The following GMDS variants were observed in gnomAD, a reference collection of about 807,000 sequenced individuals.
GMDS encodes the protein GDP-mannose 4,6 dehydratase.
Under a neutral mutation model 49.9 loss-of-function variants are expected in GMDS, and 20 were observed. That is an observed-to-expected ratio of 0.40 (90% CI 0.28 to 0.58). GMDS has a LOEUF of 0.58. GMDS is among the 20% of genes least tolerant of loss of function. The probability of loss-of-function intolerance (pLI) is 0.42; values close to 1 mark genes in which losing one functional copy is unlikely to be tolerated. For missense variants in GMDS, 362 were observed against 481.4 expected (o/e 0.75, Z 2.32); for synonymous variants, 177 against 178.6 (o/e 0.99, Z 0.07).
At chr6:2,234,598 A>G (rs1231329863) in intron 1 of GMDS, among the ~76,000 whole-genome samples, 6 of 152,114 alleles carry the variant, frequency 3.9e-5, no homozygotes, top group Non-Finnish European at 8.8e-5. Context: ...AATAAGAGCG[A>G]AACTCCGTAT....
intron 1 of GMDS, among the ~76,000 whole-genome samples, chr6:2,148,716 G>A (rs532810536): frequency 3.9e-5 from 6 of 152,280 alleles, no homozygotes; most frequent in South Asian, 4.1e-4. Flanking sequence ...CACCACGTCC[G>A]GCCTGAAGTT....
chr6:1,939,779 A>C (rs959051399), intron 6 of GMDS, among the ~76,000 whole-genome samples: 1 of 152,208 alleles, frequency 6.6e-6, no homozygotes, highest in Non-Finnish European at 1.5e-5. Flanking sequence ...TTAAGACATG[A>C]ATAATAGCCA....
Position 1,860,175 on chromosome 6 carries a change from T to C in GMDS, c.771+69928A>G, listed in dbSNP as rs141429380. Reference sequence around the variant, plus strand: ...CTTTAATTATATATAACTTAAAATGTTAAGAATACATATAAATGTGATATG... The same window carrying C: ...CTTTAATTATATATAACTTAAAATGCTAAGAATACATATAAATGTGATATG... On this transcript the variant is annotated intron_variant, in intron 7 of 10. Transcript: ENST00000380815. Among the ~76,000 whole-genome samples the C allele has an allele frequency of 7.1e-3, 1,078 of 152,304 alleles. 5 individuals carry two copies. Among genetic ancestry groups the C allele is most frequent in the Non-Finnish European group, 0.011 (775 of 68,030 alleles).
intron 9 of GMDS, among the ~76,000 whole-genome samples, chr6:1,632,101 A>G (rs1037295147): frequency 1.3e-5 from 2 of 152,222 alleles, no homozygotes; most frequent in Non-Finnish European, 2.9e-5. Flanking sequence ...ATGTATCTGC[A>G]GAGGTATTTC....
At chr6:2,137,861 A>C (rs1238559657) in intron 1 of GMDS, among the ~76,000 whole-genome samples, 2 of 152,198 alleles carry the variant, frequency 1.3e-5, no homozygotes, top group African/African-American at 2.4e-5. Context: ...ACACTTATAG[A>C]CTGGATAATT....
chr6:2,205,310 G>A (rs1779757537), intron 1 of GMDS, among the ~76,000 whole-genome samples: 1 of 152,136 alleles, frequency 6.6e-6, no homozygotes, highest in African/African-American at 2.4e-5. Flanking sequence ...ACCATTAGTT[G>A]CATATAAAAC....
chr6:1,709,959 GAATT>G (rs1765888098), intron 9 of GMDS, among the ~76,000 whole-genome samples: 1 of 152,170 alleles, frequency 6.6e-6, no homozygotes, highest in Non-Finnish European at 1.5e-5. Flanking sequence ...CTTAACTGCA[GAATT>G]ATTTCTGGAA....
At chr6:1,901,258 G>A (rs1298580611) in intron 7 of GMDS, among the ~76,000 whole-genome samples, 3 of 152,122 alleles carry the variant, frequency 2.0e-5, no homozygotes, top group African/African-American at 4.8e-5. Context: ...TTCTCTCCAC[G>A]ACCGTGGAAC....
At chr6:1,697,574 CA>C (rs1765388713) in intron 9 of GMDS, among the ~76,000 whole-genome samples, 1 of 152,224 alleles carries the variant, frequency 6.6e-6, no homozygotes, top group East Asian at 1.9e-4. Flanking sequence ...CAATGGTTCT[CA>C]AAGTATGGTC....
Position 1,623,977 on chromosome 6 carries a change from T to C in GMDS, c.*192A>G, listed in dbSNP as rs1334176126. 5 of 558,412 alleles carry C rather than the reference T, an allele frequency of 9.0e-6. No homozygotes were observed. The highest frequency in any genetic ancestry group is 1.6e-5 in the Non-Finnish European group (5 of 314,454). 34.6% of individuals were successfully genotyped at this position (558,412 alleles called of 1,614,324 possible). On this transcript the variant is annotated 3_prime_UTR_variant, in exon 11 of 11. Coordinates refer to ENST00000380815, the MANE Select transcript of GMDS (RefSeq NM_001500.4). ...GACAAACGCAAAGCGACCCAAACCCTGGAGGGTCACATCCCGGCTGCTACA... is the reference window on the plus strand; with the variant it reads ...GACAAACGCAAAGCGACCCAAACCCCGGAGGGTCACATCCCGGCTGCTACA...
chr6:1,653,662 T>C (rs1158180706), intron 9 of GMDS, among the ~76,000 whole-genome samples: 2 of 152,106 alleles, frequency 1.3e-5, no homozygotes, highest in South Asian at 2.1e-4. Flanking sequence ...ACCCGGCCAA[T>C]TGATTTTCAA....
chr6:1,651,755 C>T (rs1426179405), intron 9 of GMDS, among the ~76,000 whole-genome samples: 1 of 152,176 alleles, frequency 6.6e-6, no homozygotes, highest in East Asian at 1.9e-4. Context: ...ATGAGCCCTA[C>T]CCCACAGAGT....
At chr6:1,898,289 G>GA (rs1478859754) in intron 7 of GMDS, among the ~76,000 whole-genome samples, 3 of 152,170 alleles carry the variant, frequency 2.0e-5, no homozygotes, top group Non-Finnish European at 4.4e-5. Flanking sequence ...TTTTGCTAAA[G>GA]AAAATCACCT....
intron 1 of GMDS, among the ~76,000 whole-genome samples, chr6:2,169,976 G>A (rs1777886143): frequency 6.6e-6 from 1 of 152,172 alleles, no homozygotes; most frequent in Non-Finnish European, 1.5e-5. Flanking sequence ...GGCCAAGGTG[G>A]GCCGATCACC....
chr6:2,175,676 G>A (rs754607191), intron 1 of GMDS, among the ~76,000 whole-genome samples: 1 of 152,176 alleles, frequency 6.6e-6, no homozygotes, highest in Non-Finnish European at 1.5e-5. Context: ...AAATGAGCAT[G>A]CTTTGGTTTT....
At chr6:1,916,067 T>C (rs1176005623) in intron 7 of GMDS, among the ~76,000 whole-genome samples, 1 of 152,254 alleles carries the variant, frequency 6.6e-6, no homozygotes, top group Non-Finnish European at 1.5e-5. Flanking sequence ...CCTGAAGATC[T>C]TGGCATTCTT....
intron 7 of GMDS, among the ~76,000 whole-genome samples, chr6:1,744,238 G>C (rs1033719237): frequency 1.3e-5 from 2 of 152,144 alleles, no homozygotes; most frequent in Admixed American, 1.3e-4. Flanking sequence ...TGGAAGACAA[G>C]ATTTTGGTCT....
intron 4 of GMDS, among the ~76,000 whole-genome samples, chr6:1,974,968 G>T (rs951574212): frequency 1.3e-5 from 2 of 151,582 alleles, no homozygotes; most frequent in Non-Finnish European, 2.9e-5. Context: ...AACCCAGGAG[G>T]CAGAGGTTGC....
chr6:1,750,689 A>T (rs1767685786), intron 7 of GMDS, among the ~76,000 whole-genome samples: 1 of 151,876 alleles, frequency 6.6e-6, no homozygotes. Flanking sequence ...TTTTTTTCAT[A>T]TCCTAGTGGT....
Sources: allele counts gnomAD v4.1 joint callset (sites outside exome capture counted in the v4.1 genomes callset), GRCh38; gene constraint gnomAD v4.1.1; transcripts MANE v1.5; gene names NCBI Gene and HGNC (gene_info 2026-07-23, HGNC 2026-07-21).